PRKN: variants seen among roughly 807,000 people sequenced by gnomAD.
PRKN encodes parkin RBR E3 ubiquitin protein ligase, also known as E3 ubiquitin-protein ligase parkin.
Under a neutral mutation model 59.5 loss-of-function variants are expected in PRKN, and 56 were observed. The ratio of observed to expected loss-of-function variants is 0.94; its 90% CI spans 0.76 to 1.18. The LOEUF is 1.18. Among genes scored for constraint, PRKN ranks in the 50% most tolerant of loss-of-function variants. The probability of loss-of-function intolerance (pLI) is 0.00; values close to 1 mark genes in which losing one functional copy is unlikely to be tolerated. For missense variants in PRKN, 657 were observed against 596.4 expected (o/e 1.10, Z -1.06); for synonymous variants, 250 against 222.1 (o/e 1.13, Z -1.12).
intron 9 of PRKN, among the ~76,000 whole-genome samples, chr6:161,514,997 A>G (rs1446652238): frequency 1.4e-5 from 2 of 146,182 alleles, no homozygotes; most frequent in African/African-American, 5.0e-5. Context: ...AAGATGGGCC[A>G]GGGGGAATAT....
At position 161,429,237 on chromosome 6, in the gene PRKN, C is replaced by T. The variant is rs1562442634; in HGVS notation, c.1084-42360G>A. On this transcript the variant is annotated intron_variant, in intron 9 of 11. Transcript: ENST00000366898. This position sits in a 1 kb window ranked among gnomAD's most constrained non-coding sequence, Gnocchi z 4.2. Reference sequence around the variant, plus strand: ...TTTATTCATTTATAGATTTACCCAGCAAATACTGATCAAGTGCTGAGACAT... The same window carrying T: ...TTTATTCATTTATAGATTTACCCAGTAAATACTGATCAAGTGCTGAGACAT... 6.6e-6 allele frequency among the ~76,000 whole-genome samples: 1 copy of T among 152,182 alleles called. No homozygotes were observed.
intron 1 of PRKN, among the ~76,000 whole-genome samples, chr6:162,543,900 T>C (rs1172212374): frequency 1.3e-5 from 2 of 152,198 alleles, no homozygotes; most frequent in Non-Finnish European, 2.9e-5. Context: ...AGAGCCGTCC[T>C]AGGCCCTGGA....
chr6:162,080,237 T>A (rs1779001892), intron 4 of PRKN, among the ~76,000 whole-genome samples: 1 of 152,136 alleles, frequency 6.6e-6, no homozygotes, highest in African/African-American at 2.4e-5. Flanking sequence ...TATATGAAAT[T>A]GTACCCTTGG....
At chr6:162,252,849 T>C (rs1380422500) in intron 3 of PRKN, among the ~76,000 whole-genome samples, 2 of 152,266 alleles carry the variant, frequency 1.3e-5, no homozygotes, top group Non-Finnish European at 2.9e-5. Context: ...GAGAATGAAC[T>C]ATATTTCCCA....
chr6:161,557,266 AAG>A lies in PRKN; in HGVS notation c.934-8265_934-8264del, dbSNP rs375388006. 2.1e-3 allele frequency among the ~76,000 whole-genome samples: 320 copies of A among 152,332 alleles called. 2 individuals carry two copies. The highest frequency in any genetic ancestry group is 7.1e-3 in the African/African-American group (297 of 41,568). ...GCTCATGGATTCTCTTAAGAACAAA[AAG>A]TATTCATTTTAAAGCATAAAATTCA... On this transcript the variant is annotated intron_variant, in intron 8 of 11. Transcript: ENST00000366898.
chr6:162,548,620 T>C (rs1779213570), intron 1 of PRKN, among the ~76,000 whole-genome samples: 1 of 152,180 alleles, frequency 6.6e-6, no homozygotes, highest in African/African-American at 2.4e-5. Context: ...ATTAATACAA[T>C]TGTCCATTTC....
chr6:161,607,643 G>A (rs1562556076), intron 7 of PRKN, among the ~76,000 whole-genome samples: 1 of 152,160 alleles, frequency 6.6e-6, no homozygotes, highest in Non-Finnish European at 1.5e-5. Context: ...CAGGAGATGG[G>A]AGATTTAAAG....
intron 2 of PRKN, among the ~76,000 whole-genome samples, chr6:162,314,578 T>A (rs1225147706): frequency 1.3e-5 from 2 of 152,116 alleles, no homozygotes; most frequent in Non-Finnish European, 2.9e-5. Context: ...CTAGGTTCTC[T>A]CAGGGAACGG....
chr6:161,673,114 G>A (rs1053086296), intron 7 of PRKN, among the ~76,000 whole-genome samples: 3 of 152,054 alleles, frequency 2.0e-5, no homozygotes, highest in Non-Finnish European at 2.9e-5. Context: ...CTGTCCACTC[G>A]GCCCGGCACT....
intron 6 of PRKN, among the ~76,000 whole-genome samples, chr6:161,820,203 AT>A (rs11291316): frequency 0.5 from 75,321 of 151,324 alleles, 18,944 homozygotes; most frequent in Non-Finnish European, 0.54. Context: ...CCACCATTGA[AT>A]AAAAATTCAA....
intron 2 of PRKN, among the ~76,000 whole-genome samples, chr6:162,442,003 GA>G (rs1790077588): frequency 7.9e-6 from 1 of 125,896 alleles, no homozygotes; most frequent in South Asian, 2.6e-4. Context: ...TTAGTTGACT[GA>G]AATAGAAAAA....
intron 7 of PRKN, among the ~76,000 whole-genome samples, chr6:161,732,091 A>ATT (rs397888692): frequency 0.1 from 14,799 of 142,168 alleles, 1,583 homozygotes; most frequent in African/African-American, 0.27. Flanking sequence ...TTCTTGTTCT[A>ATT]TTTTTTTTTT....
intron 4 of PRKN, among the ~76,000 whole-genome samples, chr6:162,105,132 C>T (rs988678111): frequency 1.3e-5 from 2 of 152,114 alleles, no homozygotes; most frequent in Non-Finnish European, 2.9e-5. Context: ...ACAGAACCCA[C>T]CTTGACATAT....
chr6:162,026,093 C>T (rs942530829), intron 5 of PRKN, among the ~76,000 whole-genome samples: 1 of 152,188 alleles, frequency 6.6e-6, no homozygotes, highest in African/African-American at 2.4e-5. Flanking sequence ...GTTCAACAGC[C>T]TGGAAGCCAG....
intron 2 of PRKN, among the ~76,000 whole-genome samples, chr6:162,323,228 A>G (rs577135664): frequency 6.8e-6 from 1 of 146,014 alleles, no homozygotes; most frequent in East Asian, 2.0e-4. Flanking sequence ...AAAGTATAAT[A>G]AAAAAAAAAT....
At chr6:162,626,162 G>A (rs951024111) in intron 1 of PRKN, among the ~76,000 whole-genome samples, 2 of 152,128 alleles carry the variant, frequency 1.3e-5, no homozygotes, top group Admixed American at 1.3e-4. Context: ...AATATTTCTG[G>A]TAGATTTGGG....
At chr6:162,087,593 T>TTC (rs1779300711) in intron 4 of PRKN, among the ~76,000 whole-genome samples, 1 of 141,924 alleles carries the variant, frequency 7.0e-6, no homozygotes, top group East Asian at 2.1e-4. Context: ...TAATTTCTTT[T>TTC]TTTTTTTTTT....
intron 1 of PRKN, among the ~76,000 whole-genome samples, chr6:162,558,488 C>T (rs1779704516): frequency 6.6e-6 from 1 of 151,968 alleles, no homozygotes; most frequent in Non-Finnish European, 1.5e-5. Flanking sequence ...CGCCACCACA[C>T]CTGGCTAATT....
At chr6:162,210,534 G>C (rs1263579933) in intron 3 of PRKN, among the ~76,000 whole-genome samples, 1 of 152,018 alleles carries the variant, frequency 6.6e-6, no homozygotes, top group Non-Finnish European at 1.5e-5. Context: ...TAAATCCACT[G>C]CATTTTTGTA....
Sources: allele counts gnomAD v4.1 joint callset (sites outside exome capture counted in the v4.1 genomes callset), GRCh38; gene constraint gnomAD v4.1.1; non-coding constraint Gnocchi (gnomAD v3.1); transcripts MANE v1.5; gene names NCBI Gene and HGNC (gene_info 2026-07-23, HGNC 2026-07-21).